Variants in NPRL3 observed in about 807,000 individuals in gnomAD.
The protein encoded by NPRL3 is GATOR1 complex protein NPRL3.
Under a neutral mutation model 57.2 loss-of-function variants are expected in NPRL3, and 23 were observed. The ratio of observed to expected loss-of-function variants is 0.40; its 90% confidence interval spans 0.29 to 0.57. NPRL3 has a LOEUF of 0.57. NPRL3 is among the 20% of genes least tolerant of loss of function. The pLI is 0.42. For synonymous variants in NPRL3, 333 were observed against 321.1 expected, an observed-to-expected ratio of 1.04 and a Z score of -0.39; for missense variants, 691 against 767.1, an observed-to-expected ratio of 0.90 and a Z score of 1.17.
chr16:127,756 G>A (rs1026501126), intron 3 of NPRL3, among the ~76,000 whole-genome samples: 68 of 150,872 alleles, frequency 4.5e-4, no homozygotes, highest in Middle Eastern at 6.8e-3. Flanking sequence ...CCGGGTTCAC[G>A]CCATTCTCCT....
intron 2 of NPRL3, among the ~76,000 whole-genome samples, chr16:137,132 A>C (rs1048107589): frequency 2.1e-4 from 32 of 151,810 alleles, no homozygotes; most frequent in African/African-American, 7.3e-4. Flanking sequence ...AGGCAGGAGA[A>C]TCCCTTGAGC....
chr16:117,445 T>G (rs1163328875), intron 4 of NPRL3, 70 bp from the exon 5 acceptor site: 4 of 1,124,436 alleles, frequency 3.6e-6, no homozygotes, highest in Non-Finnish European at 3.9e-6. Flanking sequence ...GCTATTCTAC[T>G]TCAGGCATGG....
At chr16:124,361 C>CT (rs545795150) in intron 3 of NPRL3, among the ~76,000 whole-genome samples, 61 of 151,172 alleles carry the variant, frequency 4.0e-4, no homozygotes, top group African/African-American at 1.3e-3. Context: ...TTTTTTTTTC[C>CT]TTTTTTCTTT....
intron 2 of NPRL3, among the ~76,000 whole-genome samples, chr16:137,307 A>G (rs1901143063): frequency 6.6e-6 from 1 of 152,252 alleles, no homozygotes; most frequent in African/African-American, 2.4e-5. Context: ...AGGGGAAGGC[A>G]GCAGCCTGCA....
intron 9 of NPRL3, among the ~76,000 whole-genome samples, chr16:94,342 A>G (rs1022375840): frequency 6.6e-6 from 1 of 152,186 alleles, no homozygotes; most frequent in Non-Finnish European, 1.5e-5. Flanking sequence ...CCTCTGCATC[A>G]GCCCAGGACA....
At chr16:136,161 A>T (rs1200044467) in intron 2 of NPRL3, among the ~76,000 whole-genome samples, 1 of 152,260 alleles carries the variant, frequency 6.6e-6, no homozygotes, top group Non-Finnish European at 1.5e-5. Context: ...ACCTGGAAAG[A>T]ACGTTTGAAC....
chr16:138,604 G>A (rs902586811), intron 1 of NPRL3, 38 bp downstream of exon 1: 1 of 86,136 alleles, frequency 1.2e-5, no homozygotes, highest in African/African-American at 4.3e-4. Context: ...GGAGGACAGG[G>A]GTGGTGGTGG....
intron 3 of NPRL3, among the ~76,000 whole-genome samples, chr16:122,459 T>C (rs1299445322): frequency 6.6e-6 from 1 of 152,212 alleles, no homozygotes; most frequent in East Asian, 1.9e-4. Flanking sequence ...GTTATATTCA[T>C]GAGATTGGGG....
intron 9 of NPRL3, among the ~76,000 whole-genome samples, chr16:97,258 CTT>C (rs528855343): frequency 4.1e-5 from 6 of 144,994 alleles, no homozygotes; most frequent in Admixed American, 1.4e-4. Context: ...TCTCCCCGTG[CTT>C]TTTTTTTTTT....
At chr16:110,355 T>C (rs968434435) in intron 7 of NPRL3, among the ~76,000 whole-genome samples, 170 bp downstream of exon 7, 3 of 152,006 alleles carry the variant, frequency 2.0e-5, no homozygotes, top group Non-Finnish European at 4.4e-5. Flanking sequence ...AGCAGCCACA[T>C]GACCATCCCT....
At chr16:95,325 G>GTATA (rs780432969) in intron 9 of NPRL3, among the ~76,000 whole-genome samples, 97 of 102,204 alleles carry the variant, frequency 9.5e-4, no homozygotes, top group African/African-American at 2.4e-3. Context: ...GTTTGTGTGT[G>GTATA]TATATATATA....
intron 3 of NPRL3, among the ~76,000 whole-genome samples, chr16:128,254 G>C (rs909483642): frequency 6.6e-6 from 1 of 152,182 alleles, no homozygotes; most frequent in Non-Finnish European, 1.5e-5. Context: ...CAAAGTGCTT[G>C]GATTACAGGC....
chr16:117,073 G>T (rs569763029), intron 5 of NPRL3, among the ~76,000 whole-genome samples: 1 of 152,286 alleles, frequency 6.6e-6, no homozygotes, highest in African/African-American at 2.4e-5. Context: ...TATACAACAT[G>T]AATGTACCAG....
At chr16:126,708 C>T (rs996444191) in intron 3 of NPRL3, among the ~76,000 whole-genome samples, 1 of 152,144 alleles carries the variant, frequency 6.6e-6, no homozygotes, top group Non-Finnish European at 1.5e-5. Context: ...TACATTTAAA[C>T]ATGAGCACCA....
intron 11 of NPRL3, chr16:91,074 T>C (rs553577247): frequency 1.3e-5 from 2 of 151,262 alleles, no homozygotes; most frequent in African/African-American, 4.9e-5. Flanking sequence ...AGCAAGTTTC[T>C]ATATCAAAAC....
intron 5 of NPRL3, among the ~76,000 whole-genome samples, chr16:114,826 C>T (rs941445004): frequency 2.6e-5 from 4 of 151,974 alleles, no homozygotes; most frequent in African/African-American, 4.8e-5. Flanking sequence ...GATGAACAGA[C>T]ATAAGGTCTG....
At chr16:95,510 TATC>T (rs1898970237) in intron 9 of NPRL3, among the ~76,000 whole-genome samples, 1 of 152,066 alleles carries the variant, frequency 6.6e-6, no homozygotes, top group East Asian at 1.9e-4. Context: ...ATACTAATTT[TATC>T]ATGACACACC....
rs768624471 is a variant in NPRL3 at position 112,771 on chromosome 16, T to A, written c.398A>T (p.Asn133Ile). The change falls in exon 6 of 14, where the codon AAC becomes ATC. Residue 133 changes from asparagine (N) to isoleucine (I), a missense_variant. Asn to Ile is a moderately radical substitution (Grantham distance 149). Coordinates refer to ENST00000611875, the MANE Select transcript of NPRL3 (RefSeq NM_001077350.3). Reference sequence around the variant, plus strand: ...ACAGTTTATCACTGACGGGTCTGCGTTGGCCTGCAGGAGAGAGACCATACA... The same window carrying A: ...ACAGTTTATCACTGACGGGTCTGCGATGGCCTGCAGGAGAGAGACCATACA... The part of the protein sequence containing the change: ...LFNVVFALRA[N>I]ADPSVINCLH... The A allele has an allele frequency of 6.3e-7, 1 of 1,598,082 alleles. No individual in the cohort carries two copies. Among genetic ancestry groups the A allele is most frequent in the Non-Finnish European group, 8.6e-7 (1 of 1,168,508 alleles).
chr16:86,961 G>C, intron 13 of NPRL3, 91 bp from the exon 14 acceptor site: 1 of 1,317,124 alleles, frequency 7.6e-7, no homozygotes, highest in East Asian at 2.5e-5. Flanking sequence ...GCTCTGAGCT[G>C]CCCACAGGCC....
Sources: allele counts gnomAD v4.1 joint callset (sites outside exome capture counted in the v4.1 genomes callset), GRCh38; gene constraint gnomAD v4.1.1; transcripts MANE v1.5; gene names NCBI Gene and HGNC (gene_info 2026-07-23, HGNC 2026-07-21).